The following PCM1 variants were observed in gnomAD, a reference collection of about 807,000 sequenced individuals.
PCM1 encodes the protein pericentriolar material 1.
PCM1 carries 157 observed loss-of-function variants against 241.9 expected under a neutral mutation model. That is an observed-to-expected ratio of 0.65 (90% CI 0.57 to 0.74). The LOEUF is 0.74. Ranked by LOEUF, PCM1 falls within the 30% of genes least tolerant of loss-of-function variation. PCM1 has a pLI of 0.00. For synonymous variants in PCM1, 1,085 were observed against 784.9 expected (o/e 1.38, Z -6.39); for missense variants, 3,478 against 2,360.1 (o/e 1.47, Z -9.81).
chr8:18,015,749 CT>C (rs1279396197), intron 36 of PCM1: 5 of 152,180 alleles, frequency 3.3e-5, no homozygotes, highest in Non-Finnish European at 4.4e-5. Flanking sequence ...AAGAGACCCC[CT>C]GTGGCCTCTG....
At chr8:17,966,936 G>T in intron 20 of PCM1, 44 bp from the exon 21 acceptor site, 2 of 1,489,404 alleles carry the variant, frequency 1.3e-6, no homozygotes, top group South Asian at 2.5e-5. Context: ...TTATATATAT[G>T]GCAATATAAC....
At chr8:17,955,428 C>T in intron 9 of PCM1, 42 bp from the exon 10 acceptor site, 1 of 1,433,770 alleles carries the variant, frequency 7.0e-7, no homozygotes, top group Non-Finnish European at 9.4e-7. Flanking sequence ...TTTATGGTAA[C>T]TGGTGATTAA....
intron 4 of PCM1, 36 bp from the exon 5 acceptor site, chr8:17,938,704 A>C: frequency 6.5e-7 from 1 of 1,549,768 alleles, no homozygotes; most frequent in Middle Eastern, 1.7e-4. Context: ...TCATAAGGTT[A>C]ATGTTTGTGT....
chr8:17,956,584 A>T lies in PCM1; in HGVS notation c.1473-20A>T, dbSNP rs2068607838. 1 of 1,495,576 alleles carries T rather than the reference A, an allele frequency of 6.7e-7. No individual in the cohort carries two copies. Among genetic ancestry groups the T allele is most frequent in the African/African-American group, 1.4e-5 (1 of 71,978 alleles). 92.6% of individuals were successfully genotyped at this position (1,495,576 alleles called of 1,614,324 possible). A position where few individuals can be genotyped will look rare whatever the true frequency, so the allele number is the denominator to read the frequency against. Reference sequence around the variant, plus strand: ...GCTAAAATGGGTGTAAATCGTATACATAAATTTTTTGTTTATCAGGAAGTT... The same window carrying T: ...GCTAAAATGGGTGTAAATCGTATACTTAAATTTTTTGTTTATCAGGAAGTT... On this transcript the variant is annotated intron_variant, in intron 10 of 38. Coordinates refer to ENST00000325083, the MANE Select transcript of PCM1 (RefSeq NM_006197.4).
In PCM1 at chr8:17,991,741, G is replaced by A. The variant is rs1271655561; in HGVS notation, c.4690+41G>A. On this transcript the variant is annotated intron_variant, in intron 28 of 38. Coordinates refer to ENST00000325083, the MANE Select transcript of PCM1 (RefSeq NM_006197.4). The stretch of plus-strand genomic sequence containing the variant: ...TTCGGTAGGTTTTTGGAGAACAGGT[G>A]GTGTTTGGTTACATGAATAAGTTCT... 1.5e-5 allele frequency: 21 copies of A among 1,438,636 alleles called. 1 individual carries two copies. The highest frequency in any genetic ancestry group is 1.8e-5 in the Non-Finnish European group (19 of 1,055,908). The allele number at this position is 1,438,636 out of a possible 1,614,324, so 89.1% of individuals were successfully genotyped here.
chr8:17,938,136 A>G (rs2060966428), intron 4 of PCM1, among the ~76,000 whole-genome samples: 1 of 152,162 alleles, frequency 6.6e-6, no homozygotes, highest in African/African-American at 2.4e-5. Context: ...TGGTCCTAGG[A>G]CACGTTGAGC....
At chr8:17,983,330 T>C in intron 24 of PCM1, 3 of 1,222,470 alleles carry the variant, frequency 2.5e-6, no homozygotes, top group Non-Finnish European at 3.3e-6. Flanking sequence ...TTTTGTTAAT[T>C]TTTTCCCATT....
chr8:17,998,950 C>A (rs1273804869), intron 29 of PCM1, among the ~76,000 whole-genome samples: 4 of 152,118 alleles, frequency 2.6e-5, no homozygotes, highest in Non-Finnish European at 5.9e-5. Context: ...CTGTGACCAC[C>A]GGCCCATGAG....
rs368145689 is a variant in PCM1 at position 17,966,462 on chromosome 8, T to C, written c.3210T>C (p.Asn1070=). ...QCYTQLTWQQ[N]NVQRLKQMLN... The stretch of plus-strand genomic sequence containing the variant: ...ATACTCAGCTAACATGGCAACAGAA[T>C]AATGTTCAGAGGTAATCTGTTTCTT... The change falls in exon 20 of 39, where the codon AAT becomes AAC. Residue 1070 remains asparagine, a synonymous_variant. Transcript: ENST00000325083. 39 of 1,613,552 alleles carry C rather than the reference T, an allele frequency of 2.4e-5. No homozygotes were observed. Among genetic ancestry groups the C allele is most frequent in the Non-Finnish European group, 3.1e-5 (36 of 1,179,702 alleles).
Position 17,985,497 on chromosome 8 carries a change from T to A in PCM1, c.4159T>A (p.Ser1387Thr). Reference sequence around the variant, plus strand: ...TGAAGCTTTGCGAGATACTATTTATTCTGAAGTAGCTACATTAATTTCTCA... The same window carrying A: ...TGAAGCTTTGCGAGATACTATTTATACTGAAGTAGCTACATTAATTTCTCA... ...MFEALRDTIY[S>T]EVATLISQNE... Residue 1387 changes from serine to threonine, a missense_variant, in exon 25 of 39, where the codon TCT becomes ACT. Transcript: ENST00000325083. 1.3e-6 allele frequency: 2 copies of A among 1,570,750 alleles called. No homozygotes were observed. The highest frequency in any genetic ancestry group is 1.7e-6 in the Non-Finnish European group (2 of 1,155,364).
chr8:17,985,512 T>G lies in PCM1; in HGVS notation c.4174T>G (p.Leu1392Val). ...RDTIYSEVAT[L>V]ISQNESRPHF... ...TACTATTTATTCTGAAGTAGCTACA[T>G]TAATTTCTCAAAATGAATCTCGTCC... The change falls in exon 25 of 39, where the codon TTA becomes GTA. Residue 1392 changes from leucine to valine, a missense_variant. Leu to Val is a conservative substitution (Grantham distance 32, BLOSUM62 1). Transcript: ENST00000325083. The G allele has an allele frequency of 1.9e-6, 3 of 1,578,994 alleles. No individual in the cohort carries two copies. The highest frequency in any genetic ancestry group is 2.6e-6 in the Non-Finnish European group (3 of 1,159,740).
At position 17,966,870 on chromosome 8, in the gene PCM1, A is replaced by C. The variant is rs1470243734; in HGVS notation, c.3222-110A>C. ...CACGTATTTGTTACAGTATCAGAGC[A>C]GTTTGTCTGCATGCTTTTGAATCAT... On this transcript the variant is annotated intron_variant, in intron 20 of 38. Coordinates refer to ENST00000325083, the MANE Select transcript of PCM1 (RefSeq NM_006197.4). 6.5e-6 allele frequency: 6 copies of C among 925,518 alleles called. No individual in the cohort carries two copies. In the East Asian group the frequency reaches 1.6e-4, roughly 24 times the overall value. 57.3% of individuals were successfully genotyped at this position (925,518 alleles called of 1,614,324 possible).
intron 24 of PCM1, among the ~76,000 whole-genome samples, chr8:17,984,100 G>T (rs2081841129): frequency 6.6e-6 from 1 of 152,058 alleles, no homozygotes. Context: ...AGTGGTGGGG[G>T]AATGAAGCTT....
intron 23 of PCM1, among the ~76,000 whole-genome samples, chr8:17,977,000 C>T (rs1012258060): frequency 2.6e-5 from 4 of 151,822 alleles, no homozygotes; most frequent in Non-Finnish European, 1.5e-5. Flanking sequence ...CTGAGAATTT[C>T]GTATATGCCA....
chr8:18,005,464 A>C (rs1277162263), intron 29 of PCM1, among the ~76,000 whole-genome samples: 1 of 151,356 alleles, frequency 6.6e-6, no homozygotes, highest in Non-Finnish European at 1.5e-5. Context: ...CATTTTATAG[A>C]TATGTATTGG....
chr8:17,941,025 C>T (rs1471464924), intron 6 of PCM1, among the ~76,000 whole-genome samples: 2 of 152,140 alleles, frequency 1.3e-5, no homozygotes, highest in Admixed American at 1.3e-4. Context: ...TCTTACCTGC[C>T]TCCTTTCTCT....
intron 31 of PCM1, among the ~76,000 whole-genome samples, 165 bp downstream of exon 31, chr8:18,009,909 T>C (rs17126092): frequency 0.085 from 12,944 of 152,226 alleles, 1,232 homozygotes; most frequent in African/African-American, 0.24. Context: ...CTTGTGGAAT[T>C]TGAGGACTAA....
chr8:17,969,960 G>A (rs981947611), intron 22 of PCM1, among the ~76,000 whole-genome samples: 2 of 152,098 alleles, frequency 1.3e-5, no homozygotes, highest in Non-Finnish European at 2.9e-5. Flanking sequence ...AGGATGTGGC[G>A]TAACTCATAG....
In PCM1 at chr8:17,939,729, T is replaced by C; in HGVS notation, c.651T>C (p.Thr217=). Residue 217 remains threonine (T), a synonymous_variant, in exon 6 of 39, where the codon ACT becomes ACC. Coordinates refer to ENST00000325083, the MANE Select transcript of PCM1 (RefSeq NM_006197.4). Reference sequence around the variant, plus strand: ...TTGTTCAAATTCGCGATTATATTACTAAAGCTAGTTCCATGCGGGAAGATC... The same window carrying C: ...TTGTTCAAATTCGCGATTATATTACCAAAGCTAGTTCCATGCGGGAAGATC... The part of the protein sequence containing the change: ...SRLVQIRDYI[T]KASSMREDLV... 6.4e-7 allele frequency: 1 copy of C among 1,553,414 alleles called. No individual in the cohort carries two copies. The highest frequency in any genetic ancestry group is 1.2e-5 in the South Asian group (1 of 82,116).
Sources: allele counts gnomAD v4.1 joint callset (sites outside exome capture counted in the v4.1 genomes callset), GRCh38; gene constraint gnomAD v4.1.1; transcripts MANE v1.5; gene names NCBI Gene and HGNC (gene_info 2026-07-23, HGNC 2026-07-21).